CDYL2: variants seen among roughly 807,000 people sequenced by gnomAD.
CDYL2 encodes chromodomain Y-like protein 2.
Under a neutral mutation model 49.4 loss-of-function variants are expected in CDYL2, and 23 were observed. The ratio of observed to expected loss-of-function variants is 0.47; its 90% CI spans 0.34 to 0.66. The LOEUF (loss-of-function observed/expected upper bound fraction) is 0.66, where lower values mean the gene tolerates loss of function less well. Ranked by LOEUF, CDYL2 falls within the 30% of genes least tolerant of loss-of-function variation. The pLI is 0.01. For missense variants in CDYL2, 678 were observed against 656.4 expected (o/e 1.03, Z -0.36); for synonymous variants, 360 against 268.8 (o/e 1.34, Z -3.32).
At chr16:80,709,202 C>T (rs763987714) in intron 1 of CDYL2, among the ~76,000 whole-genome samples, 12 of 151,988 alleles carry the variant, frequency 7.9e-5, no homozygotes, top group Non-Finnish European at 1.6e-4. Context: ...GCCAACATGG[C>T]GAAACCCCGT....
At chr16:80,685,379 G>A (rs955985598) in intron 1 of CDYL2, among the ~76,000 whole-genome samples, 2 of 152,174 alleles carry the variant, frequency 1.3e-5, no homozygotes, top group Non-Finnish European at 2.9e-5. Context: ...TAGATGACAC[G>A]CCCAGCTGGT....
chr16:80,804,272 C>A lies in CDYL2; in HGVS notation c.-99G>T. The A allele has an allele frequency of 9.1e-7, 1 of 1,096,488 alleles. No individual in the cohort carries two copies. Among genetic ancestry groups the A allele is most frequent in the South Asian group, 1.7e-5 (1 of 57,548 alleles). The allele number at this position is 1,096,488 out of a possible 1,614,324, so 67.9% of individuals were successfully genotyped here. Reference sequence around the variant, plus strand: ...TCCGGTGTGCGCGTGTGTGTGCGCGCGTGTGTGTGCGAGTGTGTGTGGTGT... The same window carrying A: ...TCCGGTGTGCGCGTGTGTGTGCGCGAGTGTGTGTGCGAGTGTGTGTGGTGT... On this transcript the variant is annotated 5_prime_UTR_variant, in exon 1 of 7. Coordinates refer to ENST00000570137, the MANE Select transcript of CDYL2 (RefSeq NM_152342.4).
intron 1 of CDYL2, among the ~76,000 whole-genome samples, chr16:80,758,733 A>G (rs12444680): frequency 0.17 from 25,626 of 151,504 alleles, 2,344 homozygotes; most frequent in African/African-American, 0.23. Flanking sequence ...TAGTAGAGAC[A>G]GGGTTTCACC....
chr16:80,766,499 CT>C (rs1159703598), intron 1 of CDYL2, among the ~76,000 whole-genome samples: 1 of 152,224 alleles, frequency 6.6e-6, no homozygotes, highest in African/African-American at 2.4e-5. Flanking sequence ...GAAAATAAAA[CT>C]TAGTTTCACC....
intron 1 of CDYL2, among the ~76,000 whole-genome samples, chr16:80,785,996 G>C (rs1479653532): frequency 6.6e-6 from 1 of 151,968 alleles, no homozygotes; most frequent in Admixed American, 6.6e-5. Context: ...GTAAGACCTA[G>C]GACCATAAAA....
At chr16:80,706,690 C>T (rs1371942816) in intron 1 of CDYL2, among the ~76,000 whole-genome samples, 2 of 152,070 alleles carry the variant, frequency 1.3e-5, no homozygotes, top group Non-Finnish European at 2.9e-5. Context: ...ACAAGAAATG[C>T]CAAGAAGAAT....
At chr16:80,655,988 A>T (rs866421272) in intron 2 of CDYL2, among the ~76,000 whole-genome samples, 1 of 152,240 alleles carries the variant, frequency 6.6e-6, no homozygotes, top group Non-Finnish European at 1.5e-5. Flanking sequence ...GGACATGGAA[A>T]TAATCCCAGC....
chr16:80,748,536 A>AAAAAC (rs1567593947), intron 1 of CDYL2, among the ~76,000 whole-genome samples: 1 of 144,648 alleles, frequency 6.9e-6, no homozygotes, highest in Non-Finnish European at 1.5e-5. Flanking sequence ...AAAAAAAAAA[A>AAAAAC]AAAACTCAGG....
chr16:80,719,983 T>A (rs995534721), intron 1 of CDYL2, among the ~76,000 whole-genome samples: 1 of 152,228 alleles, frequency 6.6e-6, no homozygotes, highest in Non-Finnish European at 1.5e-5. Context: ...CTATCATTGA[T>A]ATTCCCTGTG....
intron 2 of CDYL2, among the ~76,000 whole-genome samples, chr16:80,638,078 ATT>A (rs372951325): frequency 1.3e-5 from 2 of 148,442 alleles, no homozygotes; most frequent in African/African-American, 4.9e-5. Context: ...GAAAGACTCC[ATT>A]TTTTTTTTTC....
At chr16:80,738,900 AG>A (rs1445191835) in intron 1 of CDYL2, among the ~76,000 whole-genome samples, 1 of 152,244 alleles carries the variant, frequency 6.6e-6, no homozygotes, top group Non-Finnish European at 1.5e-5. Context: ...GAAAATTCAT[AG>A]GAACAACTTT....
rs1197659372 is a variant in CDYL2, at chr16:80,684,917, A to T, written c.237T>A (p.Arg79=). 1 of 1,614,048 alleles carries T rather than the reference A, an allele frequency of 6.2e-7. No homozygotes were observed. Among genetic ancestry groups the T allele is most frequent in the Non-Finnish European group, 8.5e-7 (1 of 1,180,046 alleles). The change falls in exon 2 of 7, where the codon CGT becomes CGA. Residue 79 remains arginine, a synonymous_variant. Transcript: ENST00000570137. Reference sequence around the variant, plus strand: ...TCTCAACCGACGGGCCTCGACTGTCACGCAGCAGCTTGGAGGTACTGGACT... The same window carrying T: ...TCTCAACCGACGGGCCTCGACTGTCTCGCAGCAGCTTGGAGGTACTGGACT... The part of the protein sequence containing the change: ...GKQSSTSKLL[R]DSRGPSVEKL...
At chr16:80,662,658 G>A (rs1325447617) in intron 2 of CDYL2, 3 of 444,290 alleles carry the variant, frequency 6.8e-6, no homozygotes, top group African/African-American at 6.1e-5. Flanking sequence ...TTCAATATCT[G>A]CATTGTCTAA....
intron 3 of CDYL2, among the ~76,000 whole-genome samples, chr16:80,632,179 T>C (rs905091682): frequency 2.6e-5 from 4 of 151,918 alleles, no homozygotes; most frequent in African/African-American, 4.8e-5. Flanking sequence ...GTCGAACAAA[T>C]AGAAAAGGTG....
At chr16:80,654,784 G>A (rs943079498) in intron 2 of CDYL2, among the ~76,000 whole-genome samples, 3 of 152,214 alleles carry the variant, frequency 2.0e-5, no homozygotes, top group Non-Finnish European at 2.9e-5. Flanking sequence ...GTTTTGTATT[G>A]TTCCCTTACC....
intron 2 of CDYL2, among the ~76,000 whole-genome samples, chr16:80,658,860 C>T (rs1908919152): frequency 6.6e-6 from 1 of 151,534 alleles, no homozygotes. Flanking sequence ...GCTAGAAAAT[C>T]TTATTGTACC....
At chr16:80,757,538 CAAAAA>C (rs35826810) in intron 1 of CDYL2, among the ~76,000 whole-genome samples, 2 of 98,364 alleles carry the variant, frequency 2.0e-5, no homozygotes, top group Admixed American at 1.2e-4. Context: ...GACTCTGTCT[CAAAAA>C]AAAAAAAAAA....
chr16:80,649,757 T>C (rs1195491105), intron 2 of CDYL2, among the ~76,000 whole-genome samples: 2 of 152,088 alleles, frequency 1.3e-5, no homozygotes, highest in Non-Finnish European at 2.9e-5. Context: ...GGTACTGGCA[T>C]AAAAACAGAT....
chr16:80,700,335 A>G (rs751978075), intron 1 of CDYL2, among the ~76,000 whole-genome samples: 2 of 152,222 alleles, frequency 1.3e-5, no homozygotes, highest in Non-Finnish European at 2.9e-5. Context: ...AGAGTGCTAA[A>G]TTTCACTAAA....
Sources: allele counts gnomAD v4.1 joint callset (sites outside exome capture counted in the v4.1 genomes callset), GRCh38; gene constraint gnomAD v4.1.1; transcripts MANE v1.5; gene names NCBI Gene and HGNC (gene_info 2026-07-23, HGNC 2026-07-21).